OSBPL5: variants seen among roughly 807,000 people sequenced by gnomAD.
OSBPL5 encodes oxysterol-binding protein-related protein 5.
A neutral mutation model predicts 111.2 loss-of-function variants in OSBPL5; 71 were observed. That is an observed-to-expected ratio of 0.64 (90% CI 0.53 to 0.78). OSBPL5 has a LOEUF of 0.78. Ranked by LOEUF, OSBPL5 falls within the 30% of genes least tolerant of loss-of-function variation. The pLI, the probability that OSBPL5 is intolerant of heterozygous loss-of-function variation, is 0.00. For missense variants in OSBPL5, 1,210 were observed against 1,189.3 expected (o/e 1.02, Z -0.26); for synonymous variants, 549 against 513.9 (o/e 1.07, Z -0.93).
rs1227494544 is a variant in OSBPL5, at chr11:3,106,496, C to T, written c.1059+767G>A. Among the ~76,000 whole-genome samples, 6 of 152,046 alleles carry T rather than the reference C, an allele frequency of 3.9e-5. No homozygotes were observed. The highest frequency in any genetic ancestry group is 1.4e-4 in the African/African-American group (6 of 41,398). ...TAGATCCTGTGATTCCTTCCGGACTCCCCTTCCTGAGGCGCCCCACGGTGC... is the reference window on the plus strand; with the variant it reads ...TAGATCCTGTGATTCCTTCCGGACTTCCCTTCCTGAGGCGCCCCACGGTGC... On this transcript the variant is annotated intron_variant, in intron 9 of 21. Coordinates refer to ENST00000263650, the MANE Select transcript of OSBPL5 (RefSeq NM_020896.4). This position sits in a 1 kb window ranked among gnomAD's most constrained non-coding sequence, Gnocchi z 8.4.
intron 1 of OSBPL5, among the ~76,000 whole-genome samples, chr11:3,160,702 C>G (rs974025947): frequency 1.5e-4 from 22 of 144,884 alleles, no homozygotes; most frequent in South Asian, 4.7e-4. Context: ...CCACACCGAG[C>G]GCCGTATTCA....
chr11:3,093,336 T>C (rs1857130257), intron 17 of OSBPL5, 191 bp downstream of exon 17: 7 of 971,390 alleles, frequency 7.2e-6, no homozygotes, highest in Non-Finnish European at 1.0e-5. Flanking sequence ...CCGGCTCCTC[T>C]CCAGGCCACA....
At chr11:3,093,424 G>A in intron 17 of OSBPL5, 103 bp downstream of exon 17, 5 of 1,503,450 alleles carry the variant, frequency 3.3e-6, no homozygotes, top group Non-Finnish European at 3.6e-6. Flanking sequence ...CCCTGCCAGG[G>A]ACATCCTGGG....
chr11:3,133,292 C>A (rs1337511401), intron 1 of OSBPL5, among the ~76,000 whole-genome samples: 1 of 152,228 alleles, frequency 6.6e-6, no homozygotes, highest in Non-Finnish European at 1.5e-5. Flanking sequence ...GGGAACCCCC[C>A]ATGAGGGGAG....
intron 1 of OSBPL5, among the ~76,000 whole-genome samples, chr11:3,132,412 TGA>T (rs1191762925): frequency 6.6e-6 from 1 of 152,088 alleles, no homozygotes; most frequent in Admixed American, 6.6e-5. Flanking sequence ...GCCCTACAGC[TGA>T]GAGGTGCCTG....
intron 1 of OSBPL5, among the ~76,000 whole-genome samples, chr11:3,131,784 TCCATCCAC>T (rs144546115): frequency 0.18 from 23,300 of 132,456 alleles, 2,591 homozygotes; most frequent in African/African-American, 0.29. Flanking sequence ...CATCCATCCA[TCCATCCAC>T]CTACCCATTC....
intron 2 of OSBPL5, among the ~76,000 whole-genome samples, chr11:3,127,132 G>C (rs1161324357): frequency 1.3e-5 from 2 of 152,222 alleles, no homozygotes; most frequent in Non-Finnish European, 2.9e-5. Flanking sequence ...GTTTGCTTTG[G>C]TGCCAGTTTC....
intron 1 of OSBPL5, among the ~76,000 whole-genome samples, chr11:3,158,061 G>A (rs945132797): frequency 1.3e-5 from 2 of 152,246 alleles, no homozygotes; most frequent in African/African-American, 2.4e-5. Flanking sequence ...CAAACAACCA[G>A]GCCCTGTCCC....
At chr11:3,091,184 C>T (rs1213951145) in intron 19 of OSBPL5, among the ~76,000 whole-genome samples, 2 of 152,358 alleles carry the variant, frequency 1.3e-5, no homozygotes, top group Non-Finnish European at 2.9e-5. Context: ...CTGCTCACAA[C>T]CCCAGGAGTG....
At position 3,120,551 on chromosome 11, in the gene OSBPL5, G is replaced by A. The variant is rs778772139; in HGVS notation, c.476C>T (p.Thr159Met). The A allele has an allele frequency of 1.3e-5, 21 of 1,613,188 alleles. No individual in the cohort carries two copies. The highest frequency in any genetic ancestry group is 2.2e-5 in the East Asian group (1 of 44,894). The change falls in exon 6 of 22, where the codon ACG (threonine) becomes ATG (methionine). Residue 159 changes from threonine (T) to methionine (M), a missense_variant. Physicochemically the swap from Thr to Met is moderately conservative, Grantham distance 81. Transcript: ENST00000263650. ...LKPGVLLIYKTPKVGQWVGTV... is the reference protein window; with the variant it reads ...LKPGVLLIYKMPKVGQWVGTV... ...GCCCACCCACTGGCCCACCTTGGGC[G>A]TCTTGTAGATGAGCAGCACCCCCGG...
chr11:3,141,678 C>T lies in OSBPL5; in HGVS notation c.-21-12509G>A, dbSNP rs1053244809. On this transcript the variant is annotated intron_variant, in intron 1 of 21. Coordinates refer to ENST00000263650, the MANE Select transcript of OSBPL5 (RefSeq NM_020896.4). This position sits in a 1 kb window ranked among gnomAD's most constrained non-coding sequence, Gnocchi z 6.5. Reference sequence around the variant, plus strand: ...CCTCGCTCAATGCATTGCCAAGTTGCGATTCTCATGCATCCCAGTGCTTTG... The same window carrying T: ...CCTCGCTCAATGCATTGCCAAGTTGTGATTCTCATGCATCCCAGTGCTTTG... Among the ~76,000 whole-genome samples the T allele has an allele frequency of 1.3e-5, 2 of 152,144 alleles. No homozygotes were observed. Among genetic ancestry groups the T allele is most frequent in the Non-Finnish European group, 2.9e-5 (2 of 68,032 alleles).
rs1370290364 is a variant in OSBPL5, at chr11:3,141,085, A to G, written c.-21-11916T>C. Among the ~76,000 whole-genome samples the G allele has an allele frequency of 6.8e-6, 1 of 147,626 alleles. No individual in the cohort carries two copies. Among genetic ancestry groups the G allele is most frequent in the Non-Finnish European group, 1.5e-5 (1 of 67,160 alleles). On this transcript the variant is annotated intron_variant, in intron 1 of 21. Coordinates refer to ENST00000263650, the MANE Select transcript of OSBPL5 (RefSeq NM_020896.4). This position sits in a 1 kb window ranked among gnomAD's most constrained non-coding sequence, Gnocchi z 6.5. ...TGTACGAAGAGGCCCCCAAAACAGG[A>G]ATAAAAACCACCTAACAACAGAAAC... is the stretch of plus-strand genomic sequence containing the variant.
At chr11:3,151,672 C>T (rs906828393) in intron 1 of OSBPL5, among the ~76,000 whole-genome samples, 3 of 152,244 alleles carry the variant, frequency 2.0e-5, no homozygotes, top group African/African-American at 7.2e-5. Context: ...CCGCTGAACA[C>T]ACTGTCCTGG....
intron 1 of OSBPL5, among the ~76,000 whole-genome samples, chr11:3,139,002 C>T (rs57372985): frequency 0.1 from 15,194 of 152,326 alleles, 795 homozygotes; most frequent in South Asian, 0.13. Flanking sequence ...TCTCCGCCCT[C>T]CAGGGGCACC....
intron 14 of OSBPL5, among the ~76,000 whole-genome samples, chr11:3,098,600 G>C (rs1857357165): frequency 6.8e-6 from 1 of 147,448 alleles, no homozygotes; most frequent in South Asian, 2.1e-4. Context: ...TCAACTCCCG[G>C]GTTCAAGTGA....
At chr11:3,120,675 T>C (rs1308370364) in intron 5 of OSBPL5, 51 bp from the exon 6 acceptor site, 2 of 1,589,916 alleles carry the variant, frequency 1.3e-6, no homozygotes, top group African/African-American at 1.3e-5. Flanking sequence ...CCGCCATCCC[T>C]GGGGCATCTT....
chr11:3,093,722 C>T, intron 16 of OSBPL5, 24 bp downstream of exon 16: 1 of 1,612,724 alleles, frequency 6.2e-7, no homozygotes, highest in Admixed American at 1.7e-5. Context: ...CCGGCCGTGC[C>T]TGCCCTGAGG....
chr11:3,129,090 G>A lies in OSBPL5; in HGVS notation c.59C>T (p.Pro20Leu). ...RFSLCPPSST[P>L]QKVDPRKLTR... ...GAGCTTCCGGGGGTCGACTTTCTGA[G>A]GGGTGGAGGAAGGTGGACACAGGGA... Residue 20 changes from proline to leucine, a missense_variant, in exon 2 of 22, where the codon CCT becomes CTT. Coordinates refer to ENST00000263650, the MANE Select transcript of OSBPL5 (RefSeq NM_020896.4). 2 of 1,560,676 alleles carry A rather than the reference G, an allele frequency of 1.3e-6. No individual in the cohort carries two copies. The highest frequency in any genetic ancestry group is 1.7e-6 in the Non-Finnish European group (2 of 1,154,666).
intron 7 of OSBPL5, among the ~76,000 whole-genome samples, chr11:3,116,124 CA>C (rs1324235749): frequency 6.6e-6 from 1 of 152,036 alleles, no homozygotes; most frequent in African/African-American, 2.4e-5. Flanking sequence ...GAAGCAGTGT[CA>C]AATATAAAAT....
Sources: gnomAD v4.1 joint callset for allele counts (sites outside exome capture counted in the v4.1 genomes callset) on GRCh38, gnomAD v4.1.1 for gene constraint, Gnocchi (gnomAD v3.1) non-coding constraint, MANE v1.5 for transcripts, NCBI Gene and HGNC (gene_info 2026-07-23, HGNC 2026-07-21) for gene names.